The following DISP1 variants were observed in gnomAD, a reference collection of about 807,000 sequenced individuals.
DISP1 encodes the protein protein dispatched homolog 1.
In DISP1, 30 loss-of-function variants were observed where a neutral mutation model predicts 37.3. The ratio of observed to expected loss-of-function variants is 0.80; its 90% confidence interval spans 0.60 to 1.09. The LOEUF (loss-of-function observed/expected upper bound fraction) is 1.09. Ranked by LOEUF, DISP1 falls within the 50% of genes least tolerant of loss-of-function variation. DISP1 has a pLI of 0.00. For synonymous variants in DISP1, 634 were observed against 690.2 expected (o/e 0.92, Z 1.28); for missense variants, 1,598 against 1,879.5 (o/e 0.85, Z 2.77).
chr1:222,888,334 CAG>C (rs1321027972), intron 1 of DISP1, among the ~76,000 whole-genome samples: 1 of 152,006 alleles, frequency 6.6e-6, no homozygotes, highest in African/African-American at 2.4e-5. Flanking sequence ...GTGAATGAGA[CAG>C]AGCAAATCTC....
chr1:222,974,765 G>T (rs1240540754), intron 3 of DISP1, among the ~76,000 whole-genome samples: 3 of 152,152 alleles, frequency 2.0e-5, no homozygotes, highest in African/African-American at 7.2e-5. Flanking sequence ...TTGTCTGCAG[G>T]GTATCTGTTT....
At chr1:222,838,272 T>G (rs933399487) in intron 1 of DISP1, among the ~76,000 whole-genome samples, 1 of 152,164 alleles carries the variant, frequency 6.6e-6, no homozygotes, top group Non-Finnish European at 1.5e-5. Flanking sequence ...TTTCTATAAC[T>G]TGTTTTCTTG....
intron 1 of DISP1, among the ~76,000 whole-genome samples, chr1:222,927,167 G>A (rs1048882275): frequency 6.6e-6 from 1 of 151,148 alleles, no homozygotes; most frequent in Non-Finnish European, 1.5e-5. Context: ...CAGTGTTTAA[G>A]GATTCCAATT....
chr1:222,950,774 G>A (rs1372413381), intron 3 of DISP1, among the ~76,000 whole-genome samples: 2 of 152,246 alleles, frequency 1.3e-5, no homozygotes, highest in African/African-American at 4.8e-5. Context: ...TGTGCTGGTT[G>A]AAGCAAGTTT....
At chr1:222,867,632 T>C (rs1339808155) in intron 1 of DISP1, among the ~76,000 whole-genome samples, 1 of 152,142 alleles carries the variant, frequency 6.6e-6, no homozygotes, top group Non-Finnish European at 1.5e-5. Context: ...AAGCAATTTA[T>C]TGTTTAGAGG....
chr1:222,959,519 G>A (rs1675867346), intron 3 of DISP1, among the ~76,000 whole-genome samples: 1 of 151,910 alleles, frequency 6.6e-6, no homozygotes. Flanking sequence ...TGACCAACAT[G>A]GAGAAACCCC....
intron 1 of DISP1, among the ~76,000 whole-genome samples, chr1:222,903,031 G>A (rs1671687370): frequency 1.3e-5 from 2 of 151,952 alleles, no homozygotes; most frequent in Non-Finnish European, 2.9e-5. Context: ...ATTCACAATA[G>A]CAAAGACTTG....
intron 1 of DISP1, among the ~76,000 whole-genome samples, chr1:222,862,275 A>C (rs1668919297): frequency 6.6e-6 from 1 of 152,134 alleles, no homozygotes; most frequent in South Asian, 2.1e-4. Flanking sequence ...AGATTTATTA[A>C]TTGTTAACTA....
chr1:222,911,778 C>T (rs749259688), intron 1 of DISP1, among the ~76,000 whole-genome samples: 3 of 152,066 alleles, frequency 2.0e-5, no homozygotes, highest in Non-Finnish European at 2.9e-5. Context: ...GTGATCCTCC[C>T]GCCTCAGCCT....
chr1:223,003,701 C>A lies in DISP1; in HGVS notation c.2304C>A (p.Tyr768Ter). 2 of 1,614,106 alleles carry A rather than the reference C, an allele frequency of 1.2e-6. No individual in the cohort carries two copies. Among genetic ancestry groups the A allele is most frequent in the Non-Finnish European group, 1.7e-6 (2 of 1,180,030 alleles). The change falls in exon 9 of 9, where the codon TAC becomes TAA. Residue 768 changes from tyrosine (Y) to a stop codon, truncating the protein, a stop_gained. Transcript: ENST00000675850. LOFTEE classifies it low-confidence loss of function (END_TRUNC). This position sits in a 1 kb window ranked among gnomAD's most constrained non-coding sequence, Gnocchi z 4.3. Reference protein sequence around the residue: ...SHPFERYDAEYKKLFMFERVH... With the variant: ...SHPFERYDAE ...CTTTTGAGCGTTATGATGCTGAATACAAAAAGCTTTTCATGTTTGAACGTG... is the reference window on the plus strand; with the variant it reads ...CTTTTGAGCGTTATGATGCTGAATAAAAAAAGCTTTTCATGTTTGAACGTG...
At chr1:222,852,278 T>C (rs915979066) in intron 1 of DISP1, among the ~76,000 whole-genome samples, 1 of 151,932 alleles carries the variant, frequency 6.6e-6, no homozygotes, top group African/African-American at 2.4e-5. Context: ...AAAACAGTCA[T>C]GTAGACTTTT....
intron 2 of DISP1, among the ~76,000 whole-genome samples, chr1:222,930,043 T>C (rs1335854409): frequency 1.3e-5 from 2 of 152,160 alleles, no homozygotes; most frequent in Non-Finnish European, 2.9e-5. Flanking sequence ...CATGTTTACC[T>C]TAATTCAGTC....
At chr1:222,942,110 A>G (rs1051214902) in intron 2 of DISP1, among the ~76,000 whole-genome samples, 1 of 148,034 alleles carries the variant, frequency 6.8e-6, no homozygotes, top group Non-Finnish European at 1.5e-5. Flanking sequence ...GAAAAAAAAA[A>G]GTAAGAAAAA....
At chr1:222,967,194 T>C (rs543360831) in intron 3 of DISP1, among the ~76,000 whole-genome samples, 11 of 152,292 alleles carry the variant, frequency 7.2e-5, no homozygotes, top group African/African-American at 2.4e-4. Context: ...GATGTGAAGA[T>C]GGCAACATTA....
At chr1:222,974,768 A>G (rs1180554400) in intron 3 of DISP1, among the ~76,000 whole-genome samples, 1 of 152,190 alleles carries the variant, frequency 6.6e-6, no homozygotes, top group African/African-American at 2.4e-5. Context: ...TCTGCAGGGT[A>G]TCTGTTTCAT....
chr1:222,999,999 G>A (rs776131531), intron 8 of DISP1, among the ~76,000 whole-genome samples: 8 of 152,102 alleles, frequency 5.3e-5, no homozygotes, highest in East Asian at 1.9e-4. Context: ...ATGTCTAACC[G>A]CTTAATCTTT....
chr1:222,951,335 G>T (rs1675201820), intron 3 of DISP1, among the ~76,000 whole-genome samples: 1 of 147,658 alleles, frequency 6.8e-6, no homozygotes. Context: ...TAGGGCATTA[G>T]TTATTTTCTA....
At chr1:222,852,330 TTTTG>T (rs1201304958) in intron 1 of DISP1, among the ~76,000 whole-genome samples, 3 of 152,036 alleles carry the variant, frequency 2.0e-5, no homozygotes, top group Admixed American at 6.5e-5. Flanking sequence ...CAAAGTTGTT[TTTTG>T]TTTGTTTGTT....
In DISP1 at chr1:223,005,630, TAAAC is replaced by T. The variant is rs750604278; in HGVS notation, c.4237_4240del (p.Gln1413GlyfsTer9). 1.4e-5 allele frequency: 22 copies of T among 1,613,846 alleles called. No individual in the cohort carries two copies. In the African/African-American group the frequency reaches 2.9e-4, roughly 22 times the overall value. ...TCAAAACGTGTTGCGACCCCGAGAA[TAAAC>T]AAAGGGAACTCTGTAAAAATAGAGA... is the stretch of plus-strand genomic sequence containing the variant. On this transcript the variant is annotated frameshift_variant, in exon 9 of 9. Coordinates refer to ENST00000675850, the MANE Select transcript of DISP1 (RefSeq NM_001377229.1). LOFTEE classifies it low-confidence loss of function (END_TRUNC).
Sources: gnomAD v4.1 joint callset for allele counts (sites outside exome capture counted in the v4.1 genomes callset) on GRCh38, gnomAD v4.1.1 for gene constraint, Gnocchi (gnomAD v3.1) non-coding constraint, MANE v1.5 for transcripts, NCBI Gene and HGNC (gene_info 2026-07-23, HGNC 2026-07-21) for gene names.